Variants in PPARGC1A observed in about 807,000 individuals in gnomAD.
The protein encoded by PPARGC1A is peroxisome proliferator-activated receptor gamma coactivator 1-alpha.
Under a neutral mutation model 88.7 loss-of-function variants are expected in PPARGC1A, and 25 were observed. The ratio of observed to expected loss-of-function variants is 0.28; its 90% CI spans 0.21 to 0.39. The LOEUF is 0.39. PPARGC1A is among the 10% of genes least tolerant of loss of function. The probability of loss-of-function intolerance (pLI) is 1.00; values close to 1 mark genes in which losing one functional copy is unlikely to be tolerated. For synonymous variants in PPARGC1A, 363 were observed against 355.6 expected, an observed-to-expected ratio of 1.02 and a Z score of -0.24; for missense variants, 880 against 968.7, an observed-to-expected ratio of 0.91 and a Z score of 1.22.
the PPARGC1A span, among the ~76,000 whole-genome samples, chr4:24,301,935 G>A: frequency 2.6e-5 from 4 of 152,160 alleles, no homozygotes; most frequent in East Asian, 1.9e-4. Flanking sequence ...TTCTAAAATC[G>A]CCCTGTCAGG....
At chr4:24,401,015 C>CTTTTTTTTTT in the PPARGC1A span, among the ~76,000 whole-genome samples, 3 of 99,826 alleles carry the variant, frequency 3.0e-5, no homozygotes, top group Non-Finnish European at 5.5e-5. Flanking sequence ...CCTGAATTTT[C>CTTTTTTTTTT]TTTTTTTTTT....
the PPARGC1A span, among the ~76,000 whole-genome samples, chr4:24,120,691 G>T: frequency 6.6e-6 from 1 of 152,050 alleles, no homozygotes; most frequent in Non-Finnish European, 1.5e-5. Context: ...AGGTCATGGG[G>T]GTAGAGACCT....
chr4:24,051,394 A>G, the PPARGC1A span, among the ~76,000 whole-genome samples: 22 of 152,294 alleles, frequency 1.4e-4, no homozygotes, highest in African/African-American at 5.3e-4. Context: ...AGTGATATCA[A>G]TAATGATAGT....
the PPARGC1A span, among the ~76,000 whole-genome samples, chr4:24,109,793 TGAGGGGCAGG>T: frequency 6.6e-6 from 1 of 152,096 alleles, no homozygotes; most frequent in Non-Finnish European, 1.5e-5. Flanking sequence ...AGTTCAAGGA[TGAGGGGCAGG>T]GAGGCAAGGC....
At chr4:24,200,671 A>AAAAAAAAAT in the PPARGC1A span, among the ~76,000 whole-genome samples, 1 of 146,532 alleles carries the variant, frequency 6.8e-6, no homozygotes, top group African/African-American at 2.6e-5. Context: ...AAAAAAAAAA[A>AAAAAAAAAT]CTCCAGTAGA....
At chr4:23,907,464 G>A (rs888585380), upstream of PPARGC1A, among the ~76,000 whole-genome samples, 7 of 152,190 alleles carry the variant, frequency 4.6e-5, no homozygotes, top group South Asian at 2.1e-4. Context: ...TGCAGAATAC[G>A]TTGGTTGTGA....
the PPARGC1A span, among the ~76,000 whole-genome samples, chr4:24,124,093 G>T: frequency 6.6e-6 from 1 of 152,086 alleles, no homozygotes; most frequent in Non-Finnish European, 1.5e-5. Flanking sequence ...AAGGAAAGAT[G>T]TCAGAAATGG....
At chr4:23,801,911 G>C in intron 11 of PPARGC1A, 30 bp from the exon 12 acceptor site, 3 of 1,612,484 alleles carry the variant, frequency 1.9e-6, no homozygotes, top group Non-Finnish European at 2.5e-6. Flanking sequence ...GTTCAAAGCT[G>C]GTTAAGAAGT....
intron 2 of PPARGC1A, among the ~76,000 whole-genome samples, chr4:23,852,324 TCTG>T (rs1392773991): frequency 1.3e-5 from 2 of 152,170 alleles, no homozygotes; most frequent in African/African-American, 4.8e-5. Flanking sequence ...ATCTGAAATT[TCTG>T]CTTTTAAAAA....
chr4:23,808,078 C>T (rs1442678445), intron 10 of PPARGC1A, among the ~76,000 whole-genome samples: 15 of 151,790 alleles, frequency 9.9e-5, no homozygotes, highest in African/African-American at 3.1e-4. Context: ...GGTGAAACCC[C>T]GTCTCTACTA....
chr4:24,213,279 G>T, the PPARGC1A span, among the ~76,000 whole-genome samples: 1 of 150,200 alleles, frequency 6.7e-6, no homozygotes, highest in Non-Finnish European at 1.5e-5. Flanking sequence ...CCATTCTCCT[G>T]CCTCAGCCTC....
the PPARGC1A span, among the ~76,000 whole-genome samples, chr4:23,945,778 T>G: frequency 6.6e-6 from 1 of 152,104 alleles, no homozygotes; most frequent in Non-Finnish European, 1.5e-5. Context: ...ACCTCCTGAT[T>G]AATAAAGCCC....
At chr4:24,133,677 T>C in the PPARGC1A span, among the ~76,000 whole-genome samples, 1 of 152,220 alleles carries the variant, frequency 6.6e-6, no homozygotes, top group Non-Finnish European at 1.5e-5. Context: ...ACAATTTTCC[T>C]CCTTTCATTG....
the PPARGC1A span, among the ~76,000 whole-genome samples, chr4:24,005,001 G>A: frequency 2.6e-5 from 4 of 152,152 alleles, 1 homozygote; most frequent in South Asian, 8.3e-4. Context: ...CTTTCCAAAA[G>A]GATTTATGAC....
At chr4:24,023,484 T>C in the PPARGC1A span, among the ~76,000 whole-genome samples, 5 of 152,164 alleles carry the variant, frequency 3.3e-5, no homozygotes, top group African/African-American at 1.2e-4. Flanking sequence ...CCTGCTGTAG[T>C]GTTCAGGACA....
At chr4:23,891,991 A>G (rs1717922778), upstream of PPARGC1A, among the ~76,000 whole-genome samples, 1 of 152,232 alleles carries the variant, frequency 6.6e-6, no homozygotes, top group Non-Finnish European at 1.5e-5. Context: ...CACCTGGCCA[A>G]GAAGAGTCAA....
the PPARGC1A span, among the ~76,000 whole-genome samples, chr4:24,196,802 A>G: frequency 3.3e-5 from 5 of 152,226 alleles, no homozygotes; most frequent in African/African-American, 1.2e-4. Flanking sequence ...CTATTCCTAT[A>G]TCTGAAACTG....
At chr4:24,388,530 T>C in the PPARGC1A span, among the ~76,000 whole-genome samples, 2 of 152,306 alleles carry the variant, frequency 1.3e-5, no homozygotes, top group Non-Finnish European at 2.9e-5. Context: ...TGTATGTTTA[T>C]TGCAGCACAC....
At chr4:24,354,441 A>G in the PPARGC1A span, among the ~76,000 whole-genome samples, 3 of 152,222 alleles carry the variant, frequency 2.0e-5, no homozygotes, top group African/African-American at 7.2e-5. Flanking sequence ...CAATTCATAA[A>G]TGTTCACCAA....
Sources: allele counts gnomAD v4.1 joint callset (sites outside exome capture counted in the v4.1 genomes callset), GRCh38; gene constraint gnomAD v4.1.1; transcripts MANE v1.5; gene names NCBI Gene and HGNC (gene_info 2026-07-23, HGNC 2026-07-21).